Variants in NXPE4 observed in about 807,000 individuals in gnomAD.
NXPE4 encodes the protein NXPE family member 4.
A neutral mutation model predicts 33.3 loss-of-function variants in NXPE4; 42 were observed. The ratio of observed to expected loss-of-function variants is 1.26; its 90% CI spans 0.98 to 1.63. NXPE4 has a LOEUF of 1.63. Among genes scored for constraint, NXPE4 ranks in the 40% most tolerant of loss-of-function variants. The pLI is 0.00. For synonymous variants in NXPE4, 253 were observed against 234.9 expected, an observed-to-expected ratio of 1.08 and a Z score of -0.71; for missense variants, 709 against 647.6, an observed-to-expected ratio of 1.09 and a Z score of -1.03.
At chr11:114,634,307 GTTGT>G in the NXPE4 span, among the ~76,000 whole-genome samples, 2 of 152,048 alleles carry the variant, frequency 1.3e-5, no homozygotes, top group Non-Finnish European at 2.9e-5. Flanking sequence ...TTTTGATAGA[GTTGT>G]TTGTTATTTT....
chr11:114,608,752 A>G, the NXPE4 span, among the ~76,000 whole-genome samples: 6 of 151,358 alleles, frequency 4.0e-5, no homozygotes, highest in African/African-American at 1.5e-4. Flanking sequence ...TACCCAATGG[A>G]TAATAAGTAC....
chr11:114,639,244 ACT>A, the NXPE4 span, among the ~76,000 whole-genome samples: 2 of 151,722 alleles, frequency 1.3e-5, no homozygotes, highest in African/African-American at 4.8e-5. Context: ...AATCAGCGAG[ACT>A]CTGTGGGCAT....
chr11:114,577,056 T>C (rs1462876159), intron 5 of NXPE4, among the ~76,000 whole-genome samples: 59 of 31,384 alleles, frequency 1.9e-3, no homozygotes, highest in African/African-American at 2.7e-3. Context: ...TATATATATA[T>C]ACATATATAT....
chr11:114,638,424 C>T, the NXPE4 span, among the ~76,000 whole-genome samples: 44 of 152,116 alleles, frequency 2.9e-4, 1 homozygote, highest in East Asian at 8.5e-3. Context: ...CCTCCTGTAG[C>T]TCAGAGTAGT....
chr11:114,573,616 CAA>C (rs1384603640), intron 5 of NXPE4, among the ~76,000 whole-genome samples: 1 of 151,922 alleles, frequency 6.6e-6, no homozygotes, highest in Non-Finnish European at 1.5e-5. Flanking sequence ...TTTAAAAAGA[CAA>C]AGAGGGACAT....
chr11:114,572,983 A>G (rs986015341), intron 5 of NXPE4, among the ~76,000 whole-genome samples: 1 of 152,192 alleles, frequency 6.6e-6, no homozygotes, highest in African/African-American at 2.4e-5. Flanking sequence ...GTAACCTATA[A>G]AAGAAAACTT....
intron 4 of NXPE4, among the ~76,000 whole-genome samples, chr11:114,581,057 A>G (rs1045911336): frequency 2.0e-5 from 3 of 152,194 alleles, no homozygotes; most frequent in Non-Finnish European, 2.9e-5. Context: ...ATCTAGGTAC[A>G]TATTTACACT....
chr11:114,673,291 G>T, the NXPE4 span, among the ~76,000 whole-genome samples: 7 of 151,216 alleles, frequency 4.6e-5, no homozygotes, highest in Non-Finnish European at 1.0e-4. Context: ...GAAAATGAAG[G>T]TATAACAAAC....
the NXPE4 span, among the ~76,000 whole-genome samples, chr11:114,630,278 A>G: frequency 6.6e-6 from 1 of 151,648 alleles, no homozygotes; most frequent in Admixed American, 6.6e-5. Context: ...AACTATACTA[A>G]AAGGCTACAG....
chr11:114,675,069 TAAAG>T, the NXPE4 span, among the ~76,000 whole-genome samples: 6 of 151,614 alleles, frequency 4.0e-5, no homozygotes, highest in Non-Finnish European at 5.9e-5. Context: ...TCTCAATAGA[TAAAG>T]AAAAAGGATT....
intron 5 of NXPE4, among the ~76,000 whole-genome samples, chr11:114,575,369 G>A (rs1385165343): frequency 6.6e-6 from 1 of 151,988 alleles, no homozygotes; most frequent in Non-Finnish European, 1.5e-5. Flanking sequence ...AAGAAATAAA[G>A]GACATCCGAA....
At chr11:114,572,065 C>T (rs1417854578) in intron 5 of NXPE4, among the ~76,000 whole-genome samples, 1 of 152,168 alleles carries the variant, frequency 6.6e-6, no homozygotes, top group Non-Finnish European at 1.5e-5. Flanking sequence ...GAAGATGGGT[C>T]ACATCCTATG....
the NXPE4 span, among the ~76,000 whole-genome samples, chr11:114,622,362 A>G: frequency 6.6e-6 from 1 of 152,098 alleles, no homozygotes; most frequent in African/African-American, 2.4e-5. Flanking sequence ...GTGGGTAACC[A>G]CTGTTACCAA....
chr11:114,632,129 A>G, the NXPE4 span, among the ~76,000 whole-genome samples: 10 of 144,058 alleles, frequency 6.9e-5, 1 homozygote, highest in Non-Finnish European at 1.5e-4. Flanking sequence ...ATTATAATAA[A>G]ATATATTATA....
At chr11:114,629,647 CAG>C in the NXPE4 span, among the ~76,000 whole-genome samples, 3 of 152,046 alleles carry the variant, frequency 2.0e-5, no homozygotes, top group African/African-American at 7.2e-5. Context: ...TCCTATTCAT[CAG>C]AGTGTTGGAA....
At chr11:114,627,753 G>A in the NXPE4 span, among the ~76,000 whole-genome samples, 1 of 152,146 alleles carries the variant, frequency 6.6e-6, no homozygotes, top group South Asian at 2.1e-4. Context: ...AGACCCATCA[G>A]TGTGCTGTAT....
At chr11:114,632,590 T>C in the NXPE4 span, among the ~76,000 whole-genome samples, 1 of 108,158 alleles carries the variant, frequency 9.2e-6, no homozygotes, top group Non-Finnish European at 1.7e-5. Context: ...ATTTATTGTA[T>C]ATTGATGTAT....
chr11:114,602,442 T>G, the NXPE4 span, among the ~76,000 whole-genome samples: 1 of 133,908 alleles, frequency 7.5e-6, no homozygotes, highest in Non-Finnish European at 1.5e-5. Flanking sequence ...TTATAATATA[T>G]AATATATATT....
chr11:114,660,449 G>A, the NXPE4 span, among the ~76,000 whole-genome samples: 35 of 151,958 alleles, frequency 2.3e-4, no homozygotes, highest in African/African-American at 7.7e-4. Context: ...TAAAAGCCTT[G>A]TTCATCATTT....
Sources: allele counts gnomAD v4.1 joint callset (sites outside exome capture counted in the v4.1 genomes callset), GRCh38; gene constraint gnomAD v4.1.1; transcripts MANE v1.5; gene names NCBI Gene and HGNC (gene_info 2026-07-23, HGNC 2026-07-21).